ULK4: variants seen among roughly 807,000 people sequenced by gnomAD.
ULK4 encodes unc-51 like kinase 4.
ULK4 carries 133 observed loss-of-function variants against 160.6 expected under a neutral mutation model. The observed-to-expected ratio is 0.83, with a 90% CI of 0.72 to 0.96. ULK4 has a LOEUF of 0.96. Among genes scored for constraint, ULK4 ranks in the 40% least tolerant of loss-of-function variants. The pLI, the probability that ULK4 is intolerant of heterozygous loss-of-function variation, is 0.00. For missense variants in ULK4, 1,580 were observed against 1,499.5 expected (o/e 1.05, Z -0.89); for synonymous variants, 534 against 539.8 (o/e 0.99, Z 0.15).
chr3:41,667,107 T>C (rs945675401), intron 29 of ULK4, among the ~76,000 whole-genome samples: 25 of 151,874 alleles, frequency 1.6e-4, no homozygotes, highest in African/African-American at 5.6e-4. Flanking sequence ...TGAGCTACGA[T>C]GGCACCAGTA....
intron 22 of ULK4, among the ~76,000 whole-genome samples, chr3:41,732,449 AAAT>A (rs1006688312): frequency 1.2e-4 from 18 of 152,004 alleles, no homozygotes; most frequent in African/African-American, 2.2e-4. Context: ...CTATTAACAA[AAAT>A]AATAATAATA....
At chr3:41,864,698 G>A (rs1489797388) in intron 17 of ULK4, among the ~76,000 whole-genome samples, 3 of 152,132 alleles carry the variant, frequency 2.0e-5, no homozygotes. Flanking sequence ...CAGGTTGCTT[G>A]AGTCCAGGAG....
chr3:41,737,096 C>G (rs565438688), intron 22 of ULK4, among the ~76,000 whole-genome samples: 1 of 151,986 alleles, frequency 6.6e-6, no homozygotes, highest in East Asian at 1.9e-4. Flanking sequence ...GTTACTGTAG[C>G]CTTGTAGTAT....
At chr3:41,297,618 G>C (rs2079695900) in intron 35 of ULK4, among the ~76,000 whole-genome samples, 1 of 152,196 alleles carries the variant, frequency 6.6e-6, no homozygotes, top group African/African-American at 2.4e-5. Context: ...TTGGGAGTTA[G>C]GAGCCAATCC....
intron 29 of ULK4, among the ~76,000 whole-genome samples, chr3:41,668,912 T>C (rs1391934552): frequency 1.3e-5 from 2 of 152,188 alleles, no homozygotes. Context: ...TATTTCTCAA[T>C]GGCAAAACCA....
chr3:41,954,877 AGCCTAGG>A, intron 1 of ULK4, 70 bp from the exon 2 acceptor site: 3 of 1,009,350 alleles, frequency 3.0e-6, no homozygotes, highest in Non-Finnish European at 4.2e-6. Context: ...TAGGATAATT[AGCCTAGG>A]ATATTATATG....
At position 41,762,907 on chromosome 3, in the gene ULK4, C is replaced by G. The variant is rs143059146; in HGVS notation, c.2194-8419G>C. ...CTCAATCTCCTGACCTTGTGATCCA[C>G]CTGCCTCAGCCTCCCAAAATGCTGG... is the stretch of plus-strand genomic sequence containing the variant. On this transcript the variant is annotated intron_variant, in intron 21 of 36. Transcript: ENST00000301831. Among the ~76,000 whole-genome samples the G allele has an allele frequency of 4.4e-3, 665 of 152,226 alleles. 31 individuals are homozygous for G. In the East Asian group the frequency reaches 0.1, roughly 24 times the overall value.
chr3:41,338,305 T>G (rs1048844696), intron 35 of ULK4, among the ~76,000 whole-genome samples: 1 of 152,166 alleles, frequency 6.6e-6, no homozygotes, highest in Non-Finnish European at 1.5e-5. Flanking sequence ...GACAGTCTCT[T>G]CTGTGTAATT....
chr3:41,698,197 T>G (rs1559492622), intron 27 of ULK4, among the ~76,000 whole-genome samples: 1 of 152,226 alleles, frequency 6.6e-6, no homozygotes, highest in Admixed American at 6.5e-5. Flanking sequence ...TTTTTCAGAA[T>G]GTATCTCCAT....
At chr3:41,378,679 T>C (rs1335255933) in intron 35 of ULK4, among the ~76,000 whole-genome samples, 1 of 151,520 alleles carries the variant, frequency 6.6e-6, no homozygotes, top group Non-Finnish European at 1.5e-5. Context: ...ATACCTAATG[T>C]AAATGACGAG....
chr3:41,672,752 CAAAT>C (rs1419843952), intron 29 of ULK4, among the ~76,000 whole-genome samples: 8 of 152,136 alleles, frequency 5.3e-5, no homozygotes, highest in Admixed American at 5.2e-4. Context: ...TAAGATACCC[CAAAT>C]ACTCTGACTT....
At chr3:41,892,026 T>C (rs1697986789) in intron 16 of ULK4, among the ~76,000 whole-genome samples, 1 of 152,234 alleles carries the variant, frequency 6.6e-6, no homozygotes, top group Admixed American at 6.5e-5. Context: ...GCATTTACTT[T>C]ACCTTATTCA....
At position 41,705,399 on chromosome 3, in the gene ULK4, G is replaced by A. The variant is rs544273307; in HGVS notation, c.2635-94C>T. 4 of 837,744 alleles carry A rather than the reference G, an allele frequency of 4.8e-6. No individual in the cohort carries two copies. The African/African-American group carries it at 5.2e-5, about 11-fold the overall frequency. 51.9% of individuals were successfully genotyped at this position (837,744 alleles called of 1,614,324 possible). On this transcript the variant is annotated intron_variant, in intron 25 of 36. Coordinates refer to ENST00000301831, the MANE Select transcript of ULK4 (RefSeq NM_017886.4). ...CATTTTGCCCAAAACTGTACCTATT[G>A]TTTTTAATAACTCATAGACAGTATT...
chr3:41,562,366 G>A (rs2087618806), intron 32 of ULK4, among the ~76,000 whole-genome samples: 3 of 152,188 alleles, frequency 2.0e-5, no homozygotes, highest in Admixed American at 1.3e-4. Flanking sequence ...TTCTGTAGAT[G>A]TCTATTAGGT....
chr3:41,344,555 C>T (rs1192561515), intron 35 of ULK4, among the ~76,000 whole-genome samples: 5 of 151,906 alleles, frequency 3.3e-5, no homozygotes, highest in East Asian at 3.9e-4. Context: ...AGTTTGAGAC[C>T]GGCCTGGCCA....
chr3:41,803,579 C>T lies in ULK4; in HGVS notation c.1849-3286G>A, dbSNP rs7623925. On this transcript the variant is annotated intron_variant, in intron 19 of 36. Coordinates refer to ENST00000301831, the MANE Select transcript of ULK4 (RefSeq NM_017886.4). ...ATACATGTGCCATGCTGGTGTGCTG[C>T]ACCCATTAACTCGTCATTTAACATT... 3.1e-3 allele frequency among the ~76,000 whole-genome samples: 471 copies of T among 152,232 alleles called. 1 individual carries two copies. The highest frequency in any genetic ancestry group is 0.011 in the African/African-American group (447 of 41,534).
intron 21 of ULK4, among the ~76,000 whole-genome samples, chr3:41,772,537 G>C (rs1396914443): frequency 1.3e-5 from 2 of 152,122 alleles, no homozygotes; most frequent in Non-Finnish European, 1.5e-5. Context: ...TTGAATCTCT[G>C]AATAGACCAA....
At chr3:41,959,289 G>T (rs1245106931) in intron 1 of ULK4, among the ~76,000 whole-genome samples, 1 of 151,314 alleles carries the variant, frequency 6.6e-6, no homozygotes, top group Non-Finnish European at 1.5e-5. Context: ...GCTTGGACCC[G>T]GGAGGCGGAG....
chr3:41,812,984 A>T (rs1559572610), intron 19 of ULK4, among the ~76,000 whole-genome samples: 1 of 152,242 alleles, frequency 6.6e-6, no homozygotes, highest in African/African-American at 2.4e-5. Context: ...ACATGTCTAG[A>T]AAAGATTAAT....
Sources: gnomAD v4.1 joint callset for allele counts (sites outside exome capture counted in the v4.1 genomes callset) on GRCh38, gnomAD v4.1.1 for gene constraint, MANE v1.5 for transcripts, NCBI Gene and HGNC (gene_info 2026-07-23, HGNC 2026-07-21) for gene names.